Variants in NBAS observed in about 807,000 individuals in gnomAD.
The protein encoded by NBAS is NAG/BC035112 fusion.
A neutral mutation model predicts 302.5 loss-of-function variants in NBAS; 219 were observed. The ratio of observed to expected loss-of-function variants is 0.72; its 90% CI spans 0.65 to 0.81. NBAS has a LOEUF of 0.81. Among genes scored for constraint, NBAS ranks in the 30% least tolerant of loss-of-function variants. The pLI is 0.00. For synonymous variants in NBAS, 1,118 were observed against 1,021.6 expected, an observed-to-expected ratio of 1.09 and a Z score of -1.80; for missense variants, 2,932 against 2,841.6, an observed-to-expected ratio of 1.03 and a Z score of -0.72.
At chr2:15,194,739 A>C (rs1038325873) in intron 48 of NBAS, among the ~76,000 whole-genome samples, 2 of 152,312 alleles carry the variant, frequency 1.3e-5, no homozygotes, top group South Asian at 2.1e-4. Flanking sequence ...ATAATATTTA[A>C]AAGTGGGGAA....
chr2:15,366,582 G>A lies in NBAS; in HGVS notation c.3815C>T (p.Ala1272Val), dbSNP rs760908118. Reference protein sequence around the residue: ...LLGLAELLRVAGENPEERRGQ... With the variant: ...LLGLAELLRVVGENPEERRGQ... ...AGTTTAGTACTCAAAAGACTTACCTGCAACCCTCAGCAGCTCAGCAAGGCC... is the reference window on the plus strand; with the variant it reads ...AGTTTAGTACTCAAAAGACTTACCTACAACCCTCAGCAGCTCAGCAAGGCC... The change falls in exon 32 of 52, where the codon GCA becomes GTA. Residue 1272 changes from alanine to valine, a missense_variant and splice_region_variant. Ala to Val is a moderately conservative substitution (Grantham distance 64, BLOSUM62 0). Coordinates refer to ENST00000281513, the MANE Select transcript of NBAS (RefSeq NM_015909.4). 3 of 1,613,384 alleles carry A rather than the reference G, an allele frequency of 1.9e-6. No individual in the cohort carries two copies. The highest frequency in any genetic ancestry group is 1.1e-5 in the South Asian group (1 of 91,072).
chr2:15,396,984 C>T (rs1675894943), intron 26 of NBAS, among the ~76,000 whole-genome samples: 1 of 152,216 alleles, frequency 6.6e-6, no homozygotes. Flanking sequence ...ATCCCATCCA[C>T]TTCAACGTTA....
the NBAS span, among the ~76,000 whole-genome samples, chr2:14,838,238 T>C: frequency 1.3e-5 from 2 of 152,002 alleles, no homozygotes; most frequent in African/African-American, 4.8e-5. Context: ...CATTCTAAAA[T>C]GCTCTTTTTT....
In NBAS at chr2:15,405,789, ATAGT is replaced by A. The variant is rs376981715; in HGVS notation, c.2938-3492_2938-3489del. Among the ~76,000 whole-genome samples the A allele has an allele frequency of 3.7e-4, 57 of 152,282 alleles. No homozygotes were observed. The East Asian group carries it at 0.01, about 27-fold the overall frequency. ...TAGCTTTTATATACACAAACATTAA[ATAGT>A]TAGAGGAAATGAAGGTAGATAGTAT... On this transcript the variant is annotated intron_variant, in intron 25 of 51. Coordinates refer to ENST00000281513, the MANE Select transcript of NBAS (RefSeq NM_015909.4).
At chr2:15,142,487 C>T in the NBAS span, among the ~76,000 whole-genome samples, 2 of 152,322 alleles carry the variant, frequency 1.3e-5, no homozygotes, top group East Asian at 3.9e-4. Context: ...TATTGAAGAG[C>T]TAAAAATGGT....
At chr2:15,527,667 C>T (rs1001879861) in intron 9 of NBAS, among the ~76,000 whole-genome samples, 4 of 151,990 alleles carry the variant, frequency 2.6e-5, no homozygotes, top group African/African-American at 9.7e-5. Context: ...TTAATGCCGT[C>T]GCATTGGCCA....
intron 3 of NBAS, among the ~76,000 whole-genome samples, chr2:15,554,952 T>G (rs967176120): frequency 6.6e-6 from 1 of 151,448 alleles, no homozygotes; most frequent in African/African-American, 2.4e-5. Flanking sequence ...TCATCATAAG[T>G]GAGTAAGCAG....
intron 44 of NBAS, among the ~76,000 whole-genome samples, chr2:15,270,217 T>G (rs926906896): frequency 6.6e-6 from 1 of 152,228 alleles, no homozygotes; most frequent in East Asian, 1.9e-4. Flanking sequence ...AGTCTCTCTC[T>G]GTCGTGGCAC....
chr2:15,085,459 G>A, the NBAS span, among the ~76,000 whole-genome samples: 3 of 152,138 alleles, frequency 2.0e-5, no homozygotes, highest in Non-Finnish European at 4.4e-5. Flanking sequence ...ACCTCTCAGT[G>A]CTGGGGCAAT....
the NBAS span, among the ~76,000 whole-genome samples, chr2:14,859,469 G>T: frequency 6.6e-6 from 1 of 151,974 alleles, no homozygotes; most frequent in Non-Finnish European, 1.5e-5. Flanking sequence ...AACCAAATCA[G>T]TATGGAACTG....
At chr2:15,416,874 GAA>G (rs1299079351) in intron 24 of NBAS, among the ~76,000 whole-genome samples, 2 of 150,406 alleles carry the variant, frequency 1.3e-5, no homozygotes, top group Non-Finnish European at 1.5e-5. Flanking sequence ...GGGAAGGAGA[GAA>G]AAAGAGTCCA....
the NBAS span, among the ~76,000 whole-genome samples, chr2:15,063,288 A>G: frequency 6.6e-6 from 1 of 151,998 alleles, no homozygotes; most frequent in Admixed American, 6.6e-5. Flanking sequence ...GAATTTCTAG[A>G]AATGTGTGTG....
chr2:15,072,887 G>C, the NBAS span, among the ~76,000 whole-genome samples: 1 of 152,184 alleles, frequency 6.6e-6, no homozygotes, highest in Non-Finnish European at 1.5e-5. Context: ...CCAACACTTT[G>C]AGAGGCTGAG....
At chr2:15,022,902 T>G in the NBAS span, among the ~76,000 whole-genome samples, 2 of 152,168 alleles carry the variant, frequency 1.3e-5, no homozygotes, top group Non-Finnish European at 2.9e-5. Flanking sequence ...TGATTTTATA[T>G]GAATGATATT....
At chr2:15,226,263 G>C (rs1428428257) in intron 47 of NBAS, among the ~76,000 whole-genome samples, 1 of 152,186 alleles carries the variant, frequency 6.6e-6, no homozygotes, top group African/African-American at 2.4e-5. Context: ...TCTTGGCATA[G>C]AGGAATTAGA....
chr2:15,059,077 C>T, the NBAS span, among the ~76,000 whole-genome samples: 1 of 152,176 alleles, frequency 6.6e-6, no homozygotes, highest in Non-Finnish European at 1.5e-5. Context: ...TTGGGATTCC[C>T]TCTATTTTTC....
At chr2:15,446,383 A>C (rs1678744535) in intron 21 of NBAS, among the ~76,000 whole-genome samples, 2 of 152,246 alleles carry the variant, frequency 1.3e-5, no homozygotes, top group South Asian at 4.1e-4. Context: ...AATACAAGCC[A>C]GAAGACAGCA....
At chr2:15,350,636 G>A (rs747591085) in intron 35 of NBAS, among the ~76,000 whole-genome samples, 2 of 151,968 alleles carry the variant, frequency 1.3e-5, no homozygotes, top group Non-Finnish European at 2.9e-5. Flanking sequence ...TAATTGGTTC[G>A]GACAATTTTA....
the NBAS span, among the ~76,000 whole-genome samples, chr2:14,902,875 T>A: frequency 6.6e-6 from 1 of 152,152 alleles, no homozygotes; most frequent in South Asian, 2.1e-4. Context: ...TTAGAGCACA[T>A]TGGCCATTCT....
Sources: allele counts gnomAD v4.1 joint callset (sites outside exome capture counted in the v4.1 genomes callset), GRCh38; gene constraint gnomAD v4.1.1; transcripts MANE v1.5; gene names NCBI Gene and HGNC (gene_info 2026-07-23, HGNC 2026-07-21).